The following TBCB variants were observed in gnomAD, a reference collection of about 807,000 sequenced individuals.
TBCB encodes tubulin-folding cofactor B.
A neutral mutation model predicts 29.2 loss-of-function variants in TBCB; 18 were observed. The ratio of observed to expected loss-of-function variants is 0.62; its 90% CI spans 0.43 to 0.91. TBCB has a LOEUF of 0.91. Ranked by LOEUF, TBCB falls within the 40% of genes least tolerant of loss-of-function variation. The probability of loss-of-function intolerance (pLI) is 0.00; values close to 1 mark genes in which losing one functional copy is unlikely to be tolerated. For synonymous variants in TBCB, 172 were observed against 137.8 expected (o/e 1.25, Z -1.74); for missense variants, 336 against 337.6 (o/e 1.00, Z 0.04).
chr19:36,121,621 C>G lies in TBCB; in HGVS notation c.450C>G (p.Ala150=), dbSNP rs1477560535. 3 of 1,555,988 alleles carry G rather than the reference C, an allele frequency of 1.9e-6. No homozygotes were observed. Among genetic ancestry groups the G allele is most frequent in the South Asian group, 1.2e-5 (1 of 84,476 alleles). Reference sequence around the variant, plus strand: ...AGGCCGAGGCCGCCCAGCGCCTGGCCGAGGAGAAGGCCCAGGCCAGCTCCA... The same window carrying G: ...AGGCCGAGGCCGCCCAGCGCCTGGCGGAGGAGAAGGCCCAGGCCAGCTCCA... ...QQEAEAAQRL[A]EEKAQASSIP... is the part of the protein sequence containing the mutation. The change falls in exon 4 of 6, where the codon GCC becomes GCG. Residue 150 remains alanine, a synonymous_variant. Coordinates refer to ENST00000221855, the MANE Select transcript of TBCB (RefSeq NM_001281.3).
rs773011907 is a variant in TBCB, at chr19:36,120,732, G to A, written c.281G>A (p.Arg94His). 18 of 1,613,996 alleles carry A rather than the reference G, an allele frequency of 1.1e-5. No individual in the cohort carries two copies. Among genetic ancestry groups the A allele is most frequent in the Admixed American group, 6.7e-5 (4 of 59,990 alleles). ...RIHVIDHSGA[R>H]LGEYEDVSRV... ...CAGGTCATTGACCACAGTGGCGCCC[G>A]CCTTGGTGAGTATGAGGACGTGTCC... The change falls in exon 3 of 6, where the codon CGC becomes CAC. Residue 94 changes from arginine to histidine, a missense_variant. Physicochemically the swap from Arg to His is conservative, Grantham distance 29 (BLOSUM62 0). Transcript: ENST00000221855.
At position 36,125,858 on chromosome 19, in the gene TBCB, T is replaced by C. The variant is rs1325478222; in HGVS notation, c.*76T>C. 9.8e-7 allele frequency: 1 copy of C among 1,025,066 alleles called. No homozygotes were observed. The highest frequency in any genetic ancestry group is 2.7e-5 in the East Asian group (1 of 36,432). The allele number at this position is 1,025,066 out of a possible 1,614,324, so 63.5% of individuals were successfully genotyped here. On this transcript the variant is annotated 3_prime_UTR_variant, in exon 6 of 6. Coordinates refer to ENST00000221855, the MANE Select transcript of TBCB (RefSeq NM_001281.3). ...CTCCTGTGTGTGCCCATGGCCCTTT[T>C]CTCCTGACCCCATTTTAATTTTATT... is the stretch of plus-strand genomic sequence containing the variant.
intron 1 of TBCB, 73 bp downstream of exon 1, chr19:36,115,747 G>A: frequency 8.2e-7 from 1 of 1,219,038 alleles, no homozygotes; most frequent in Non-Finnish European, 1.2e-6. Flanking sequence ...GGGAGGCTGG[G>A]AGGGGCCGGG....
intron 4 of TBCB, 95 bp downstream of exon 4, chr19:36,121,813 C>A: frequency 6.8e-7 from 1 of 1,479,940 alleles, no homozygotes; most frequent in Non-Finnish European, 9.2e-7. Context: ...CACGCTCTGC[C>A]TAGGGGCGCG....
intron 2 of TBCB, chr19:36,118,680 TA>T (rs74892215): frequency 0.19 from 22,826 of 123,252 alleles, 2,112 homozygotes; most frequent in South Asian, 0.3. Flanking sequence ...ATCCTATCTT[TA>T]AAAAAAAAAA....
At chr19:36,121,830 G>T (rs551640599) in intron 4 of TBCB, 112 bp downstream of exon 4, 3 of 1,355,702 alleles carry the variant, frequency 2.2e-6, no homozygotes, top group African/African-American at 2.9e-5. Context: ...CGCGGGGTTG[G>T]GGGGGACTCG....
At chr19:36,122,059 G>C (rs573557650) in intron 4 of TBCB, 2 of 398,108 alleles carry the variant, frequency 5.0e-6, no homozygotes, top group Non-Finnish European at 9.2e-6. Context: ...GGGAACACAG[G>C]GGGCTGTGTG....
chr19:36,120,933 G>T, intron 3 of TBCB, 127 bp downstream of exon 3: 2 of 845,206 alleles, frequency 2.4e-6, no homozygotes, highest in Non-Finnish European at 3.8e-6. Context: ...CGAGAGCTTG[G>T]GAGGATATAG....
chr19:36,115,499 C>T lies in TBCB; in HGVS notation c.-62C>T, dbSNP rs768478513. 2.8e-5 allele frequency: 36 copies of T among 1,297,586 alleles called. No individual in the cohort carries two copies. Among genetic ancestry groups the T allele is most frequent in the Non-Finnish European group, 3.6e-5 (33 of 927,770 alleles). 80.4% of individuals were successfully genotyped at this position (1,297,586 alleles called of 1,614,324 possible). A position where few individuals can be genotyped will look rare whatever the true frequency, so the allele number is the denominator to read the frequency against. On this transcript the variant is annotated 5_prime_UTR_variant, in exon 1 of 6. Transcript: ENST00000221855. ...AGCCCAGCAGCAGCAGCGGCGGCGG[C>T]GGCTGCGGAGCGGGTGTGAGGCGGC...
chr19:36,119,408 C>T (rs1448648994), intron 2 of TBCB, among the ~76,000 whole-genome samples: 2 of 152,142 alleles, frequency 1.3e-5, no homozygotes, highest in African/African-American at 2.4e-5. Flanking sequence ...CCTCTCGGCT[C>T]CACCTACAAA....
In TBCB at chr19:36,119,230, A is replaced by G. The variant is rs139279016; in HGVS notation, c.259-1480A>G. 1.7e-3 allele frequency among the ~76,000 whole-genome samples: 264 copies of G among 152,364 alleles called. 1 individual carries two copies. The highest frequency in any genetic ancestry group is 0.014 in the East Asian group (75 of 5,192). ...ACCCATATTCATTGTTTAAAATAAC[A>G]GAACTTCAAATTTGTGAAAATTCTC... is the stretch of plus-strand genomic sequence containing the variant. On this transcript the variant is annotated intron_variant, in intron 2 of 5. Transcript: ENST00000221855.
chr19:36,118,138 G>C (rs1224655586), intron 2 of TBCB, among the ~76,000 whole-genome samples: 1 of 152,168 alleles, frequency 6.6e-6, no homozygotes, highest in Admixed American at 6.6e-5. Flanking sequence ...AGAGAGAACT[G>C]CTTCTTTTTT....
At chr19:36,115,415 G>T (rs1973928835), upstream of TBCB, 5 of 628,228 alleles carry the variant, frequency 8.0e-6, no homozygotes, top group Non-Finnish European at 1.4e-5. Context: ...GGCGATTGGC[G>T]GACGCTCCTG....
Position 36,115,664 on chromosome 19 carries a change from C to T in TBCB, c.104C>T (p.Ala35Val). The T allele has an allele frequency of 1.3e-6, 2 of 1,487,994 alleles. No homozygotes were observed. Among genetic ancestry groups the T allele is most frequent in the Non-Finnish European group, 1.8e-6 (2 of 1,106,442 alleles). 92.2% of individuals were successfully genotyped at this position (1,487,994 alleles called of 1,614,324 possible). A position where few individuals can be genotyped will look rare whatever the true frequency, so the allele number is the denominator to read the frequency against. ...CGATACAGCCGCAGCCTCACCATCG[C>T]TGAGTTCAAGGTGTGGCCATGGGGG... ...EKRYSRSLTI[A>V]EFKCKLELLV... Residue 35 changes from alanine (A) to valine (V), a missense_variant, in exon 1 of 6, where the codon GCT becomes GTT. By Grantham distance (64) the Ala-to-Val change is moderately conservative (BLOSUM62 0). Transcript: ENST00000221855.
chr19:36,115,384 T>A, upstream of TBCB: 1 of 598,936 alleles, frequency 1.7e-6, no homozygotes, highest in South Asian at 2.0e-5. Context: ...GCCCTCTTCC[T>A]GGCGGTGGGG....
chr19:36,121,826 G>A, intron 4 of TBCB, 108 bp downstream of exon 4: 2 of 1,390,246 alleles, frequency 1.4e-6, no homozygotes, highest in South Asian at 2.5e-5. Flanking sequence ...GGGGCGCGGG[G>A]TTGGGGGGGA....
intron 3 of TBCB, among the ~76,000 whole-genome samples, chr19:36,121,280 G>T (rs1974045325): frequency 6.6e-6 from 1 of 152,004 alleles, no homozygotes; most frequent in Non-Finnish European, 1.5e-5. Context: ...CGCTGAAGGG[G>T]TGAGAGACCA....
chr19:36,116,507 A>T, intron 2 of TBCB: 1 of 277,166 alleles, frequency 3.6e-6, no homozygotes, highest in Non-Finnish European at 7.0e-6. Flanking sequence ...AAGAGGTGGA[A>T]AGGAGGGAGC....
At position 36,116,189 on chromosome 19, in the gene TBCB, G is replaced by T. The variant is rs771304333; in HGVS notation, c.258+5G>T. ...GATGACGGCTGCCGCATCCACGTGA[G>T]GACTCTCTATCTGGGACACTCCCCC... On this transcript the variant is annotated splice_donor_5th_base_variant and intron_variant, in intron 2 of 5. Coordinates refer to ENST00000221855, the MANE Select transcript of TBCB (RefSeq NM_001281.3). 1 of 1,613,762 alleles carries T rather than the reference G, an allele frequency of 6.2e-7. No individual in the cohort carries two copies. Among genetic ancestry groups the T allele is most frequent in the South Asian group, 1.1e-5 (1 of 91,066 alleles).
Sources: allele counts gnomAD v4.1 joint callset (sites outside exome capture counted in the v4.1 genomes callset), GRCh38; gene constraint gnomAD v4.1.1; transcripts MANE v1.5; gene names NCBI Gene and HGNC (gene_info 2026-07-23, HGNC 2026-07-21).